The following RPS6KA6 variants were observed in gnomAD, a reference collection of about 807,000 sequenced individuals.
RPS6KA6 encodes ribosomal protein S6 kinase A6.
Under a neutral mutation model 65.4 loss-of-function variants are expected in RPS6KA6, and 27 were observed. That is an observed-to-expected ratio of 0.41 (90% confidence interval 0.30 to 0.57). The LOEUF is 0.57. Among genes scored for constraint, RPS6KA6 ranks in the 20% least tolerant of loss-of-function variants. The pLI is 0.24. For synonymous variants in RPS6KA6, 190 were observed against 184.2 expected (o/e 1.03, Z -0.26); for missense variants, 486 against 555.6 (o/e 0.87, Z 1.26).
intron 20 of RPS6KA6, among the ~76,000 whole-genome samples, chrX:84,083,431 G>A (rs1396656054): frequency 1.8e-5 from 2 of 112,173 alleles, no homozygotes; most frequent in Admixed American, 1.9e-4. Flanking sequence ...TCCGACATGT[G>A]TCCATGGGTT....
At chrX:84,184,274 C>A (rs958443654) in intron 1 of RPS6KA6, among the ~76,000 whole-genome samples, 4 of 112,311 alleles carry the variant, frequency 3.6e-5, no homozygotes, top group African/African-American at 9.7e-5. Context: ...TGGAAGGCTG[C>A]GGCTAAGGCC....
chrX:84,188,263 G>A (rs1250054886), upstream of RPS6KA6, among the ~76,000 whole-genome samples: 1 of 111,312 alleles, frequency 9.0e-6, no homozygotes, highest in East Asian at 2.9e-4. Flanking sequence ...TGGCGGCAGC[G>A]GCGGCGTTAC....
chrX:84,146,580 T>C (rs2035203661), intron 5 of RPS6KA6, among the ~76,000 whole-genome samples: 1 of 111,631 alleles, frequency 9.0e-6, no homozygotes, highest in Admixed American at 9.6e-5. Flanking sequence ...TAGACTAACA[T>C]AACTACATGG....
intron 1 of RPS6KA6, chrX:84,186,034 G>A (rs2035924373): frequency 3.9e-6 from 2 of 508,096 alleles, no homozygotes; most frequent in South Asian, 2.5e-5. Flanking sequence ...GAGAAAGAAG[G>A]CAGAAATACT....
intron 20 of RPS6KA6, among the ~76,000 whole-genome samples, chrX:84,091,930 G>A (rs6622914): frequency 0.062 from 6,888 of 111,237 alleles, 230 homozygotes; most frequent in East Asian, 0.2. Context: ...CTAACGCAGG[G>A]ACAGAAAACC....
intron 2 of RPS6KA6, among the ~76,000 whole-genome samples, chrX:84,159,467 T>C (rs746785551): frequency 9.0e-6 from 1 of 110,942 alleles, no homozygotes; most frequent in South Asian, 3.8e-4. Flanking sequence ...TTCCCTATCC[T>C]GGTATGATAA....
At chrX:84,163,474 C>T (rs926926257) in intron 2 of RPS6KA6, among the ~76,000 whole-genome samples, 10 of 105,067 alleles carry the variant, frequency 9.5e-5, no homozygotes, top group African/African-American at 3.5e-4. Context: ...CCCGTCTCTA[C>T]TAAAAATACA....
At chrX:84,108,166 AATCT>A (rs763230701) in intron 12 of RPS6KA6, among the ~76,000 whole-genome samples, 53 of 112,305 alleles carry the variant, frequency 4.7e-4, no homozygotes, top group East Asian at 1.7e-3. Flanking sequence ...GTCGTCTAAC[AATCT>A]ATCTTGCTAA....
In RPS6KA6 at chrX:84,079,545, C is replaced by T. The variant is rs184587057; in HGVS notation, c.1972-14434G>A. Among the ~76,000 whole-genome samples the T allele has an allele frequency of 2.5e-3, 280 of 111,392 alleles. 1 individual carries two copies. Among genetic ancestry groups the T allele is most frequent in the African/African-American group, 8.9e-3 (271 of 30,552 alleles). On this transcript the variant is annotated intron_variant, in intron 20 of 21. Coordinates refer to ENST00000262752, the MANE Select transcript of RPS6KA6 (RefSeq NM_014496.5). ...AGGTCTAGCTCAGCAGATCCCACCC[C>T]CACAGAGCCCAGCAAGCTAAGATCC...
At chrX:84,075,137 CAGG>C (rs1011538609) in intron 20 of RPS6KA6, among the ~76,000 whole-genome samples, 2 of 110,846 alleles carry the variant, frequency 1.8e-5, no homozygotes, top group Admixed American at 9.6e-5. Context: ...GAGGTTGAGG[CAGG>C]AGAATTACTT....
intron 1 of RPS6KA6, among the ~76,000 whole-genome samples, chrX:84,182,753 G>A (rs1225591553): frequency 2.7e-5 from 3 of 111,662 alleles, no homozygotes; most frequent in Non-Finnish European, 5.6e-5. Context: ...GGCAGGGAGG[G>A]GCCACTGCCC....
chrX:84,167,986 T>TA (rs201952834), intron 1 of RPS6KA6, among the ~76,000 whole-genome samples: 160 of 110,176 alleles, frequency 1.5e-3, no homozygotes, highest in African/African-American at 4.8e-3. Context: ...ATCTCTATTC[T>TA]AAAAAAAAAT....
chrX:84,071,319 G>C (rs747946199), intron 20 of RPS6KA6, among the ~76,000 whole-genome samples: 1 of 111,969 alleles, frequency 8.9e-6, no homozygotes, highest in East Asian at 2.8e-4. Context: ...ATGAAAATCA[G>C]GACTCACACA....
At chrX:84,073,185 A>G (rs759881916) in intron 20 of RPS6KA6, among the ~76,000 whole-genome samples, 1 of 111,630 alleles carries the variant, frequency 9.0e-6, no homozygotes, top group Non-Finnish European at 1.9e-5. Context: ...AAACATATAG[A>G]CCAATGGAAC....
At chrX:84,118,304 C>T (rs1281195560) in intron 9 of RPS6KA6, among the ~76,000 whole-genome samples, 1 of 111,464 alleles carries the variant, frequency 9.0e-6, no homozygotes, top group Admixed American at 9.5e-5. Flanking sequence ...CAAACTCCAG[C>T]TTTCCTTCCC....
intron 9 of RPS6KA6, 40 bp from the exon 10 acceptor site, chrX:84,117,494 C>A (rs748263486): frequency 3.6e-6 from 3 of 824,626 alleles, no homozygotes; most frequent in South Asian, 3.3e-5. Context: ...AATTAGAACA[C>A]CTTAGAATAT....
At chrX:84,075,714 G>T (rs2033650636) in intron 20 of RPS6KA6, among the ~76,000 whole-genome samples, 1 of 110,051 alleles carries the variant, frequency 9.1e-6, no homozygotes, top group Non-Finnish European at 1.9e-5. Context: ...AAATTCAAAT[G>T]GGAAGACTAT....
Position 84,104,711 on chromosome X carries a change from T to C in RPS6KA6, c.1456-54A>G, listed in dbSNP as rs1010067704. The C allele has an allele frequency of 3.2e-5, 24 of 761,087 alleles. No homozygotes were observed. In the East Asian group the frequency reaches 3.5e-4, roughly 11 times the overall value. The allele number at this position is 761,087 out of a possible 1,213,427, so 62.7% of individuals were successfully genotyped here. On this transcript the variant is annotated intron_variant, in intron 16 of 21. Coordinates refer to ENST00000262752, the MANE Select transcript of RPS6KA6 (RefSeq NM_014496.5). ...ATTATTTATAATTACAATTCTATAA[T>C]TCTTAAATTAGATTTTAATTATATT... is the stretch of plus-strand genomic sequence containing the variant.
intron 8 of RPS6KA6, among the ~76,000 whole-genome samples, chrX:84,125,328 A>G (rs2034761306): frequency 8.9e-6 from 1 of 112,116 alleles, no homozygotes; most frequent in Admixed American, 9.5e-5. Context: ...CAATCAAATA[A>G]TAACTACAAA....
Sources: gnomAD v4.1 joint callset for allele counts (sites outside exome capture counted in the v4.1 genomes callset) on GRCh38, gnomAD v4.1.1 for gene constraint, MANE v1.5 for transcripts, NCBI Gene and HGNC (gene_info 2026-07-23, HGNC 2026-07-21) for gene names.